The following PDIA5 variants were observed in gnomAD, a reference collection of about 807,000 sequenced individuals.
The protein encoded by PDIA5 is protein disulfide isomerase family A member 5.
In PDIA5, 58 loss-of-function variants were observed where a neutral mutation model predicts 77.6. The observed-to-expected ratio is 0.75, with a 90% CI of 0.61 to 0.93. The LOEUF is 0.93. Ranked by LOEUF, PDIA5 falls within the 40% of genes least tolerant of loss-of-function variation. The pLI, the probability that PDIA5 is intolerant of heterozygous loss-of-function variation, is 0.00. For missense variants in PDIA5, 630 were observed against 647.7 expected, an observed-to-expected ratio of 0.97 and a Z score of 0.30; for synonymous variants, 250 against 252.1, an observed-to-expected ratio of 0.99 and a Z score of 0.08.
At chr3:123,151,911 T>TCCTGCCTGCCTTTCTTCCTG (rs202031131) in intron 14 of PDIA5, among the ~76,000 whole-genome samples, 1 of 123,658 alleles carries the variant, frequency 8.1e-6, no homozygotes, top group African/African-American at 3.9e-5. Flanking sequence ...CTGCCTTCCT[T>TCCTGCCTGCCTTTCTTCCTG]CCTGCCTTCC....
At chr3:123,086,951 T>C (rs185693593) in intron 1 of PDIA5, among the ~76,000 whole-genome samples, 1 of 152,358 alleles carries the variant, frequency 6.6e-6, no homozygotes, top group Admixed American at 6.5e-5. Flanking sequence ...AAGCCAATGC[T>C]TGATTGTCTT....
chr3:123,158,337 G>C (rs1343012267), intron 15 of PDIA5, among the ~76,000 whole-genome samples: 2 of 152,176 alleles, frequency 1.3e-5, no homozygotes, highest in Admixed American at 1.3e-4. Context: ...CAGCTGGAGA[G>C]GGGCAGAGTG....
At chr3:123,092,144 G>C (rs1235484976) in intron 2 of PDIA5, among the ~76,000 whole-genome samples, 2 of 152,108 alleles carry the variant, frequency 1.3e-5, no homozygotes, top group Non-Finnish European at 2.9e-5. Context: ...GAGTATGGTG[G>C]GATCAGGGGT....
Position 123,151,907 on chromosome 3 carries a change from T to G in PDIA5, c.1273+1543T>G, listed in dbSNP as rs1488949818. 1.2e-3 allele frequency among the ~76,000 whole-genome samples: 158 copies of G among 133,846 alleles called. 3 individuals are homozygous for G. The highest frequency in any genetic ancestry group is 4.1e-3 in the African/African-American group (142 of 34,286). 87.8% of individuals were successfully genotyped at this position (133,846 alleles called of 152,430 possible). A position where few individuals can be genotyped will look rare whatever the true frequency, so the allele number is the denominator to read the frequency against. ...TGCCTGCCTTCCTTCCTGCCTGCCT[T>G]CCTTCCTGCCTTCCTTCCTTCCTGC... is the stretch of plus-strand genomic sequence containing the variant. On this transcript the variant is annotated intron_variant, in intron 14 of 16. Coordinates refer to ENST00000316218, the MANE Select transcript of PDIA5 (RefSeq NM_006810.4).
chr3:123,101,809 G>A (rs1045966206), intron 3 of PDIA5, among the ~76,000 whole-genome samples: 1 of 151,606 alleles, frequency 6.6e-6, no homozygotes, highest in African/African-American at 2.4e-5. Context: ...TAAGCTTCTG[G>A]GTCACCTCCT....
intron 14 of PDIA5, among the ~76,000 whole-genome samples, chr3:123,150,777 C>T (rs1226659854): frequency 6.6e-6 from 1 of 151,528 alleles, no homozygotes; most frequent in African/African-American, 2.4e-5. Context: ...TTCCAGATGG[C>T]TCTGGAGCCG....
Position 123,096,699 on chromosome 3 carries a change from G to A in PDIA5, c.257+4257G>A, listed in dbSNP as rs114381644. 3.3e-3 allele frequency among the ~76,000 whole-genome samples: 506 copies of A among 152,272 alleles called. 2 individuals are homozygous for A. The highest frequency in any genetic ancestry group is 0.012 in the African/African-American group (490 of 41,546). On this transcript the variant is annotated intron_variant, in intron 3 of 16. Coordinates refer to ENST00000316218, the MANE Select transcript of PDIA5 (RefSeq NM_006810.4). ...GGTGTCTGTAGGGCATCTGACTTCT[G>A]TCTAGGGTTTTGTCAGCTTTCCTTC...
chr3:123,130,646 C>G (rs1250883997), intron 11 of PDIA5, 30 bp downstream of exon 11: 1 of 1,611,774 alleles, frequency 6.2e-7, no homozygotes, highest in Non-Finnish European at 8.5e-7. Flanking sequence ...TCCCCCTCCA[C>G]ACCCTCCCCT....
At chr3:123,155,572 T>C (rs1305666865) in intron 15 of PDIA5, among the ~76,000 whole-genome samples, 1 of 152,176 alleles carries the variant, frequency 6.6e-6, no homozygotes, top group African/African-American at 2.4e-5. Flanking sequence ...CCCAGGCAGC[T>C]GGTGCAGTGG....
chr3:123,072,948 G>GTGTGTGTGTGTGTGTGTGTGTGTGTGT (rs377523246), intron 1 of PDIA5, among the ~76,000 whole-genome samples: 6 of 149,404 alleles, frequency 4.0e-5, no homozygotes, highest in African/African-American at 9.9e-5. Context: ...GTGTGTATGT[G>GTGTGTGTGTGTGTGTGTGTGTGTGTGT]GTGTTGTTGT....
At chr3:123,140,868 G>C (rs1350697459) in intron 11 of PDIA5, among the ~76,000 whole-genome samples, 1 of 152,208 alleles carries the variant, frequency 6.6e-6, no homozygotes, top group Non-Finnish European at 1.5e-5. Flanking sequence ...AGGTCTCCTG[G>C]TATTGACCCC....
chr3:123,121,603 T>G (rs1935122051), intron 8 of PDIA5, among the ~76,000 whole-genome samples: 1 of 151,892 alleles, frequency 6.6e-6, no homozygotes, highest in African/African-American at 2.4e-5. Flanking sequence ...AGACGTGAGG[T>G]TTGATTTGCC....
intron 5 of PDIA5, among the ~76,000 whole-genome samples, chr3:123,105,106 C>T (rs948452741): frequency 2.0e-5 from 3 of 152,134 alleles, no homozygotes; most frequent in Non-Finnish European, 4.4e-5. Flanking sequence ...GAGGGCTGGG[C>T]GTGGGGCCAG....
chr3:123,121,337 G>T (rs541723062), intron 8 of PDIA5, among the ~76,000 whole-genome samples: 1 of 152,326 alleles, frequency 6.6e-6, no homozygotes, highest in South Asian at 2.1e-4. Flanking sequence ...TGTCACGCCA[G>T]CTGAGTGGCC....
chr3:123,152,091 G>GCCTT (rs1230885366), intron 14 of PDIA5, among the ~76,000 whole-genome samples: 1 of 23,492 alleles, frequency 4.3e-5, no homozygotes, highest in African/African-American at 2.7e-4. Flanking sequence ...CTTCCTTCCT[G>GCCTT]CCTTCCTGCC....
At chr3:123,091,897 G>A (rs768474145) in intron 2 of PDIA5, among the ~76,000 whole-genome samples, 1 of 152,212 alleles carries the variant, frequency 6.6e-6, no homozygotes, top group Non-Finnish European at 1.5e-5. Flanking sequence ...CCTAGCTCTC[G>A]TCAGCTCCTA....
intron 10 of PDIA5, among the ~76,000 whole-genome samples, chr3:123,125,421 C>T (rs1234172040): frequency 6.6e-6 from 1 of 152,128 alleles, no homozygotes; most frequent in Non-Finnish European, 1.5e-5. Context: ...TAAGCAGTAG[C>T]AGGGCCCTGA....
intron 3 of PDIA5, among the ~76,000 whole-genome samples, chr3:123,094,180 G>C (rs2107924695): frequency 6.6e-6 from 1 of 152,372 alleles, no homozygotes; most frequent in African/African-American, 2.4e-5. Flanking sequence ...CCTTAAGACA[G>C]AAGGATGGAC....
chr3:123,154,384 A>G lies in PDIA5; in HGVS notation c.1274-587A>G, dbSNP rs1460497358. ...CTGGCTTTGAGGTTCTGGTTATTGT[A>G]GAGCAAAGAGTAGATGGAGACCTGG... On this transcript the variant is annotated intron_variant, in intron 14 of 16. Transcript: ENST00000316218. Among the ~76,000 whole-genome samples, 3 of 152,094 alleles carry G rather than the reference A, an allele frequency of 2.0e-5. No individual in the cohort carries two copies. In the East Asian group the frequency reaches 5.8e-4, roughly 29 times the overall value.
Sources: gnomAD v4.1 joint callset for allele counts (sites outside exome capture counted in the v4.1 genomes callset) on GRCh38, gnomAD v4.1.1 for gene constraint, MANE v1.5 for transcripts, NCBI Gene and HGNC (gene_info 2026-07-23, HGNC 2026-07-21) for gene names.